The following RABL6 variants were observed in gnomAD, a reference collection of about 807,000 sequenced individuals.
RABL6 encodes rab-like protein 6.
Under a neutral mutation model 72.9 loss-of-function variants are expected in RABL6, and 28 were observed. That is an observed-to-expected ratio of 0.38 (90% CI 0.28 to 0.53). The LOEUF (loss-of-function observed/expected upper bound fraction) is 0.53, where lower values mean the gene tolerates loss of function less well. Among genes scored for constraint, RABL6 ranks in the 20% least tolerant of loss-of-function variants. The pLI is 0.80. For synonymous variants in RABL6, 477 were observed against 421.2 expected, an observed-to-expected ratio of 1.13 and a Z score of -1.62; for missense variants, 1,029 against 1,008.4, an observed-to-expected ratio of 1.02 and a Z score of -0.28.
At chr9:136,825,602 C>T (rs1285872249) in intron 2 of RABL6, among the ~76,000 whole-genome samples, 177 bp from the exon 3 acceptor site, 1 of 152,180 alleles carries the variant, frequency 6.6e-6, no homozygotes, top group African/African-American at 2.4e-5. Context: ...TGAGCGAAGG[C>T]CTGAAGGAGC....
At chr9:136,833,822 T>C (rs1848532115) in intron 7 of RABL6, 2 of 1,550,506 alleles carry the variant, frequency 1.3e-6, no homozygotes, top group South Asian at 2.4e-5. Context: ...ACGTTTGGGT[T>C]GGAAGGAAGG....
intron 4 of RABL6, 87 bp downstream of exon 4, chr9:136,828,633 C>A (rs1848407970): frequency 2.1e-6 from 3 of 1,413,976 alleles, no homozygotes; most frequent in South Asian, 1.2e-5. Context: ...GCTTTTGACC[C>A]CAACCACCCC....
intron 1 of RABL6, chr9:136,813,227 T>G: frequency 1.9e-6 from 1 of 532,410 alleles, no homozygotes; most frequent in Non-Finnish European, 3.6e-6. Context: ...AGTTTCCCTT[T>G]TATTACAGGA....
At chr9:136,825,007 T>A (rs1564364554) in intron 2 of RABL6, among the ~76,000 whole-genome samples, 1 of 152,160 alleles carries the variant, frequency 6.6e-6, no homozygotes, top group Admixed American at 6.5e-5. Flanking sequence ...GGTTCTCCCT[T>A]CCCCTTGGAA....
intron 3 of RABL6, chr9:136,828,117 C>CCT (rs1219022939): frequency 5.1e-6 from 1 of 194,886 alleles, no homozygotes; most frequent in Non-Finnish European, 1.1e-5. Flanking sequence ...ACCTTCCCAC[C>CCT]ATATCCCTTG....
intron 1 of RABL6, chr9:136,821,774 G>C: frequency 4.3e-6 from 5 of 1,161,640 alleles, no homozygotes; most frequent in Non-Finnish European, 5.4e-6. Flanking sequence ...GCTGCAGGCG[G>C]CCTCTGTTCT....
In RABL6 at chr9:136,831,826, G is replaced by T; in HGVS notation, c.564G>T (p.Pro188=). 6.2e-7 allele frequency: 1 copy of T among 1,612,996 alleles called. No individual in the cohort carries two copies. The highest frequency in any genetic ancestry group is 8.5e-7 in the Non-Finnish European group (1 of 1,179,718). Residue 188 remains proline (P), a synonymous_variant, in exon 6 of 15, where the codon CCG becomes CCT. Transcript: ENST00000311502. ...RDMGEHRVIL[P]DDVRDFIDNL... is the part of the protein sequence containing the mutation. ...TGGGCGAGCACCGAGTCATCCTGCC[G>T]GACGACGTGCGTGACTTCATCGACA...
At chr9:136,816,990 AC>A (rs1383877274) in intron 1 of RABL6, among the ~76,000 whole-genome samples, 2 of 152,236 alleles carry the variant, frequency 1.3e-5, no homozygotes, top group African/African-American at 4.8e-5. Flanking sequence ...CAATCTTAAG[AC>A]TAGTCAAGAC....
At position 136,837,919 on chromosome 9, in the gene RABL6, C is replaced by T; in HGVS notation, c.1184C>T (p.Pro395Leu). Residue 395 changes from proline (P) to leucine (L), a missense_variant, in exon 10 of 15, where the codon CCT becomes CTT. Pro to Leu is a moderately conservative substitution (Grantham distance 98, BLOSUM62 -3). Coordinates refer to ENST00000311502, the MANE Select transcript of RABL6 (RefSeq NM_024718.5). ...GTCCAGAGTGTGGAGGACTTTGTTC[C>T]TGACGACCGCCTGGACCGCAGCTTC... ...ATVQSVEDFV[P>L]DDRLDRSFLE... 5 of 1,553,638 alleles carry T rather than the reference C, an allele frequency of 3.2e-6. No individual in the cohort carries two copies. The highest frequency in any genetic ancestry group is 4.4e-6 in the Non-Finnish European group (5 of 1,149,026).
rs375092289 is a variant in RABL6 at position 136,835,874 on chromosome 9, G to A, written c.809+29G>A. The A allele has an allele frequency of 1.5e-4, 225 of 1,543,876 alleles. No individual in the cohort carries two copies. The Admixed American group carries it at 2.0e-3, about 13-fold the overall frequency. On this transcript the variant is annotated intron_variant, in intron 8 of 14. Coordinates refer to ENST00000311502, the MANE Select transcript of RABL6 (RefSeq NM_024718.5). ...TGTGGCCGGACCCGCCCGTGCGGGC[G>A]GTGTGGGGGCTGCGGGCGTGGCCGT... is the stretch of plus-strand genomic sequence containing the variant.
At position 136,808,134 on chromosome 9, in the gene RABL6, A is replaced by T; in HGVS notation, c.-63A>T. ...GCCGCCGGGACATGGTGCCAGTCGC[A>T]CCCCTTCCCCGCCGCCGCTGAGCTC... On this transcript the variant is annotated 5_prime_UTR_variant, in exon 1 of 15. Transcript: ENST00000311502. 6.9e-7 allele frequency: 1 copy of T among 1,444,244 alleles called. No homozygotes were observed. Among genetic ancestry groups the T allele is most frequent in the Non-Finnish European group, 9.2e-7 (1 of 1,091,088 alleles). The allele number at this position is 1,444,244 out of a possible 1,614,324, so 89.5% of individuals were successfully genotyped here.
In RABL6 at chr9:136,839,378, C is replaced by A; in HGVS notation, c.1650C>A (p.Ala550=). 1 of 1,612,618 alleles carries A rather than the reference C, an allele frequency of 6.2e-7. No individual in the cohort carries two copies. Among genetic ancestry groups the A allele is most frequent in the Non-Finnish European group, 8.5e-7 (1 of 1,179,762 alleles). ...AEMEPGKGEQ[A]SSSESDPEGP... ...TGGAGCCGGGGAAGGGTGAGCAGGCCTCCTCGTCGGAGAGTGACCCCGAGG... is the reference window on the plus strand; with the variant it reads ...TGGAGCCGGGGAAGGGTGAGCAGGCATCCTCGTCGGAGAGTGACCCCGAGG... Residue 550 remains alanine, a synonymous_variant, in exon 12 of 15, where the codon GCC becomes GCA. Coordinates refer to ENST00000311502, the MANE Select transcript of RABL6 (RefSeq NM_024718.5).
intron 10 of RABL6, 90 bp downstream of exon 10, chr9:136,838,105 G>C (rs1207965173): frequency 6.8e-7 from 1 of 1,466,826 alleles, no homozygotes; most frequent in African/African-American, 1.4e-5. Context: ...TAGGGGCGCA[G>C]AAGGGGCCCC....
chr9:136,836,371 C>G (rs1848584790), intron 8 of RABL6: 1 of 153,272 alleles, frequency 6.5e-6, no homozygotes, highest in Admixed American at 6.5e-5. Context: ...CCTCAGGCTC[C>G]TGTACAGCTA....
In RABL6 at chr9:136,839,129, C is replaced by T; in HGVS notation, c.1493+8C>T. On this transcript the variant is annotated splice_region_variant and intron_variant, in intron 11 of 14. Transcript: ENST00000311502. ...AGAGCCAGAGACCAAGTGGTAAGGG[C>T]AGGTGTCCCCACGGGTGCGGCCTGG... The T allele has an allele frequency of 1.2e-6, 2 of 1,611,448 alleles. No homozygotes were observed. Among genetic ancestry groups the T allele is most frequent in the Non-Finnish European group, 1.7e-6 (2 of 1,179,270 alleles).
chr9:136,812,142 G>A (rs1438979540), intron 1 of RABL6, among the ~76,000 whole-genome samples: 1 of 152,194 alleles, frequency 6.6e-6, no homozygotes, highest in Non-Finnish European at 1.5e-5. Context: ...GTTGTATTTG[G>A]TGCAGAATTT....
rs199702959 is a variant in RABL6 at position 136,837,928 on chromosome 9, G to A, written c.1193G>A (p.Arg398His). The A allele has an allele frequency of 8.2e-5, 128 of 1,556,852 alleles. 1 individual carries two copies. Among genetic ancestry groups the A allele is most frequent in the Admixed American group, 2.5e-4 (13 of 51,698 alleles). ...GTGGAGGACTTTGTTCCTGACGACC[G>A]CCTGGACCGCAGCTTCCTGGAAGAC... ...QSVEDFVPDD[R>H]LDRSFLEDTT... Residue 398 changes from arginine (R) to histidine (H), a missense_variant, in exon 10 of 15, where the codon CGC (arginine) becomes CAC (histidine). This residue lies in a region of RABL6 where 595 missense variants were observed against 472.4 expected (regional missense o/e 1.26). Coordinates refer to ENST00000311502, the MANE Select transcript of RABL6 (RefSeq NM_024718.5).
At chr9:136,839,198 C>T in intron 11 of RABL6, 24 bp from the exon 12 acceptor site, 1 of 1,595,112 alleles carries the variant, frequency 6.3e-7, no homozygotes, top group Non-Finnish European at 8.5e-7. Flanking sequence ...AGGACCCTGA[C>T]TGACCCTCTG....
intron 7 of RABL6, chr9:136,832,901 T>C: frequency 3.1e-6 from 1 of 325,058 alleles, no homozygotes; most frequent in Admixed American, 4.4e-5. Context: ...CCAGGCCAGC[T>C]GTGGCTGCAA....
Sources: allele counts gnomAD v4.1 joint callset (sites outside exome capture counted in the v4.1 genomes callset), GRCh38; gene constraint gnomAD v4.1.1; regional missense constraint gnomAD v4.1.1; transcripts MANE v1.5; gene names NCBI Gene and HGNC (gene_info 2026-07-23, HGNC 2026-07-21).